The following EIF4B variants were observed in gnomAD, a reference collection of about 807,000 sequenced individuals.
The protein encoded by EIF4B is eukaryotic translation initiation factor 4B.
In EIF4B, 8 loss-of-function variants were observed where a neutral mutation model predicts 79.3. The observed-to-expected ratio is 0.10, with a 90% CI of 0.06 to 0.18. EIF4B has a LOEUF of 0.18. Ranked by LOEUF, EIF4B falls within the 10% of genes least tolerant of loss-of-function variation. The pLI is 1.00. For synonymous variants in EIF4B, 238 were observed against 274.7 expected (o/e 0.87, Z 1.32); for missense variants, 515 against 792.4 (o/e 0.65, Z 4.20).
Position 53,019,825 on chromosome 12 carries a change from A to G in EIF4B, c.361-85A>G, listed in dbSNP as rs570841099. The G allele has an allele frequency of 1.9e-5, 25 of 1,288,280 alleles. No individual in the cohort carries two copies. In the Middle Eastern group the frequency reaches 7.9e-4, roughly 41 times the overall value. 79.8% of individuals were successfully genotyped at this position (1,288,280 alleles called of 1,614,324 possible). A position where few individuals can be genotyped will look rare whatever the true frequency, so the allele number is the denominator to read the frequency against. On this transcript the variant is annotated intron_variant, in intron 3 of 14. Transcript: ENST00000262056. The stretch of plus-strand genomic sequence containing the variant: ...TGTATTCAGAAAAATTCATGCACAT[A>G]CAGTAATGCTTTTGTAGTCCTCTCA...
At chr12:53,019,877 G>A in intron 3 of EIF4B, 33 bp from the exon 4 acceptor site, 2 of 1,592,438 alleles carry the variant, frequency 1.3e-6, no homozygotes, top group Non-Finnish European at 8.6e-7. Context: ...GAAGAATGCT[G>A]GGAAACTTTG....
intron 8 of EIF4B, among the ~76,000 whole-genome samples, chr12:53,030,792 TC>T (rs1163975706): frequency 6.6e-6 from 1 of 152,184 alleles, no homozygotes; most frequent in Non-Finnish European, 1.5e-5. Flanking sequence ...TTTACTCTGT[TC>T]CATCAGTGAG....
At chr12:53,012,052 G>A (rs1272784522) in intron 1 of EIF4B, 2 of 152,118 alleles carry the variant, frequency 1.3e-5, no homozygotes, top group African/African-American at 4.8e-5. Context: ...GGGAGCAAAG[G>A]GCATGGAGGA....
At chr12:53,037,257 T>C in intron 10 of EIF4B, 152 bp from the exon 11 acceptor site, 1 of 812,880 alleles carries the variant, frequency 1.2e-6, no homozygotes, top group Non-Finnish European at 1.9e-6. Context: ...AAGACATTGT[T>C]CTGGAAATAC....
chr12:53,033,682 T>C, intron 8 of EIF4B, 124 bp from the exon 9 acceptor site: 1 of 1,059,212 alleles, frequency 9.4e-7, no homozygotes, highest in South Asian at 1.8e-5. Context: ...CTTCTGTGGA[T>C]TGGTTAGGCC....
Position 53,022,474 on chromosome 12 carries a change from T to G in EIF4B, c.533-19T>G, listed in dbSNP as rs767948259. The G allele has an allele frequency of 6.2e-7, 1 of 1,607,998 alleles. No individual in the cohort carries two copies. Among genetic ancestry groups the G allele is most frequent in the Non-Finnish European group, 8.5e-7 (1 of 1,177,610 alleles). ...TTTTTATGAGATAACTTACGGTTTT[T>G]GTTTTAATGTATCTGTAGACAGGGA... On this transcript the variant is annotated intron_variant, in intron 5 of 14. Coordinates refer to ENST00000262056, the MANE Select transcript of EIF4B (RefSeq NM_001417.7).
At chr12:53,028,692 A>T (rs1943382230) in intron 8 of EIF4B, among the ~76,000 whole-genome samples, 1 of 152,266 alleles carries the variant, frequency 6.6e-6, no homozygotes, top group Non-Finnish European at 1.5e-5. Context: ...TGGAAAAAAA[A>T]GTTGCCAGAT....
chr12:53,036,686 T>A (rs776670166), intron 10 of EIF4B, among the ~76,000 whole-genome samples: 1 of 152,078 alleles, frequency 6.6e-6, no homozygotes, highest in South Asian at 2.1e-4. Flanking sequence ...GGGCTCCTTG[T>A]TTTTAGAAGA....
intron 1 of EIF4B, chr12:53,013,473 T>G (rs1196103921): frequency 2.0e-5 from 3 of 152,234 alleles, no homozygotes; most frequent in Non-Finnish European, 2.9e-5. Flanking sequence ...CGTGTTCGCT[T>G]ATTAAAATCT....
At chr12:53,015,612 T>C (rs1341480080) in intron 1 of EIF4B, among the ~76,000 whole-genome samples, 1 of 151,354 alleles carries the variant, frequency 6.6e-6, no homozygotes, top group Non-Finnish European at 1.5e-5. Flanking sequence ...CATGGGAGGG[T>C]TGAGGCTTCA....
In EIF4B at chr12:53,016,750, T is replaced by A; in HGVS notation, c.151+140T>A. 2.3e-6 allele frequency: 3 copies of A among 1,277,508 alleles called. No individual in the cohort carries two copies. In the South Asian group the frequency reaches 5.1e-5, roughly 22 times the overall value. 79.1% of individuals were successfully genotyped at this position (1,277,508 alleles called of 1,614,324 possible). A position where few individuals can be genotyped will look rare whatever the true frequency, so the allele number is the denominator to read the frequency against. On this transcript the variant is annotated intron_variant, in intron 2 of 14. Transcript: ENST00000262056. ...CTGAAATCTTACATATTTTATAGAA[T>A]CTAAGGTTTAATCTGAGGTTTGGGC...
At chr12:53,010,517 A>C (rs1368205986) in intron 1 of EIF4B, among the ~76,000 whole-genome samples, 1 of 152,136 alleles carries the variant, frequency 6.6e-6, no homozygotes, top group African/African-American at 2.4e-5. Flanking sequence ...ATGTCTTTTC[A>C]TGGCTGGGCT....
chr12:53,039,465 C>G (rs772425692), intron 13 of EIF4B, 122 bp downstream of exon 13: 3 of 1,216,534 alleles, frequency 2.5e-6, no homozygotes, highest in Middle Eastern at 1.9e-4. Context: ...AGTCAGCCAA[C>G]GTAGACAGTT....
chr12:53,023,644 C>T (rs555241845), intron 6 of EIF4B, among the ~76,000 whole-genome samples: 8 of 140,706 alleles, frequency 5.7e-5, no homozygotes, highest in African/African-American at 2.2e-4. Flanking sequence ...AGTGCAATGG[C>T]ATGATCTCAG....
chr12:53,039,144 T>C, intron 12 of EIF4B, 94 bp from the exon 13 acceptor site: 1 of 902,926 alleles, frequency 1.1e-6, no homozygotes, highest in Non-Finnish European at 1.7e-6. Context: ...TCAGTACATG[T>C]GGGCACAATT....
At chr12:53,033,621 G>A (rs1053195856) in intron 8 of EIF4B, among the ~76,000 whole-genome samples, 185 bp from the exon 9 acceptor site, 2 of 152,214 alleles carry the variant, frequency 1.3e-5, no homozygotes, top group Non-Finnish European at 2.9e-5. Flanking sequence ...GATTACAGGC[G>A]TGAGCCACCA....
chr12:53,008,016 C>T (rs920745488), intron 1 of EIF4B, among the ~76,000 whole-genome samples: 1 of 152,116 alleles, frequency 6.6e-6, no homozygotes, highest in Non-Finnish European at 1.5e-5. Context: ...AGGACGCTGC[C>T]CGAAAGCATC....
chr12:53,020,068 C>A, intron 4 of EIF4B, 42 bp downstream of exon 4: 1 of 1,495,318 alleles, frequency 6.7e-7, no homozygotes, highest in East Asian at 2.3e-5. Context: ...TGTAAGTTCA[C>A]AAATCTCATG....
At chr12:53,029,244 T>C (rs557641266) in intron 8 of EIF4B, among the ~76,000 whole-genome samples, 8 of 152,284 alleles carry the variant, frequency 5.3e-5, no homozygotes, top group Admixed American at 1.3e-4. Context: ...AGATATAAAA[T>C]GTAAACTGTG....
Sources: allele counts gnomAD v4.1 joint callset (sites outside exome capture counted in the v4.1 genomes callset), GRCh38; gene constraint gnomAD v4.1.1; transcripts MANE v1.5; gene names NCBI Gene and HGNC (gene_info 2026-07-23, HGNC 2026-07-21).